The following IL1RL2 variants were observed in gnomAD, a reference collection of about 807,000 sequenced individuals.
IL1RL2 encodes interleukin 1 receptor like 2.
In IL1RL2, 68 loss-of-function variants were observed where a neutral mutation model predicts 66.8. The ratio of observed to expected loss-of-function variants is 1.02; its 90% CI spans 0.84 to 1.25. IL1RL2 has a LOEUF of 1.25. IL1RL2 is among the 50% of genes most tolerant of loss of function. The pLI, the probability that IL1RL2 is intolerant of heterozygous loss-of-function variation, is 0.00. For synonymous variants in IL1RL2, 305 were observed against 264.6 expected, an observed-to-expected ratio of 1.15 and a Z score of -1.48; for missense variants, 729 against 709.3, an observed-to-expected ratio of 1.03 and a Z score of -0.32.
chr2:102,225,666 A>G (rs916332052), intron 8 of IL1RL2, among the ~76,000 whole-genome samples: 9 of 152,160 alleles, frequency 5.9e-5, no homozygotes, highest in Non-Finnish European at 7.4e-5. Flanking sequence ...TTTTACTCGT[A>G]TAAGTTCCCA....
intron 4 of IL1RL2, among the ~76,000 whole-genome samples, chr2:102,193,565 T>G (rs1206176806): frequency 1.3e-5 from 2 of 152,196 alleles, no homozygotes; most frequent in African/African-American, 4.8e-5. Flanking sequence ...ATGCCCAGAC[T>G]GGTCTCGAAC....
At chr2:102,212,230 G>T (rs574872589) in intron 6 of IL1RL2, 56 bp downstream of exon 6, 6 of 1,214,914 alleles carry the variant, frequency 4.9e-6, no homozygotes, top group African/African-American at 3.0e-5. Flanking sequence ...CATTATGTTT[G>T]CATATTCTGG....
chr2:102,241,023 A>C (rs990091131), downstream of IL1RL2, among the ~76,000 whole-genome samples: 4 of 152,208 alleles, frequency 2.6e-5, no homozygotes, highest in Admixed American at 1.3e-4. Context: ...CTGCTGAGGA[A>C]CCGCTGTCCA....
intron 4 of IL1RL2, among the ~76,000 whole-genome samples, chr2:102,195,605 CT>C (rs1559529996): frequency 5.6e-5 from 1 of 17,898 alleles, no homozygotes; most frequent in African/African-American, 1.6e-4. Context: ...TTCTTTCTTT[CT>C]TTCTTTCTTT....
chr2:102,213,588 G>A (rs2104808972), intron 6 of IL1RL2, among the ~76,000 whole-genome samples: 1 of 152,126 alleles, frequency 6.6e-6, no homozygotes, highest in East Asian at 1.9e-4. Flanking sequence ...TTTGATTAGA[G>A]AGCCAAAGCC....
Position 102,235,376 on chromosome 2 carries a change from C to T in IL1RL2, c.1678+99C>T, listed in dbSNP as rs1012861964. The T allele has an allele frequency of 1.1e-5, 17 of 1,519,208 alleles. No individual in the cohort carries two copies. In the Admixed American group the frequency reaches 1.2e-4, roughly 11 times the overall value. 94.1% of individuals were successfully genotyped at this position (1,519,208 alleles called of 1,614,324 possible). ...GGAGGAGGACACGTTTCATCGGGGCCGTCTGCTCTGAAGCTGGCAGTTGCG... is the reference window on the plus strand; with the variant it reads ...GGAGGAGGACACGTTTCATCGGGGCTGTCTGCTCTGAAGCTGGCAGTTGCG... On this transcript the variant is annotated intron_variant, in intron 11 of 11. Coordinates refer to ENST00000264257, the MANE Select transcript of IL1RL2 (RefSeq NM_003854.4).
chr2:102,189,616 A>G (rs749144489), intron 3 of IL1RL2, among the ~76,000 whole-genome samples: 1 of 148,824 alleles, frequency 6.7e-6, no homozygotes, highest in Non-Finnish European at 1.5e-5. Context: ...TTTCTTTTTT[A>G]TTTTTCTTTT....
downstream of IL1RL2, among the ~76,000 whole-genome samples, chr2:102,241,187 G>A (rs1358226726): frequency 6.6e-6 from 1 of 152,250 alleles, no homozygotes; most frequent in Non-Finnish European, 1.5e-5. Flanking sequence ...TTTTTCGGCT[G>A]CTGAGAAGGT....
At chr2:102,232,910 C>T in intron 9 of IL1RL2, 53 bp from the exon 10 acceptor site, 1 of 1,575,788 alleles carries the variant, frequency 6.3e-7, no homozygotes, top group Non-Finnish European at 8.7e-7. Flanking sequence ...GGTTTATTAA[C>T]ATGAGAGAAT....
chr2:102,228,749 A>C (rs994690662), intron 9 of IL1RL2, among the ~76,000 whole-genome samples: 5 of 152,234 alleles, frequency 3.3e-5, no homozygotes, highest in African/African-American at 1.2e-4. Flanking sequence ...AACAATTATT[A>C]AAGGTGAATT....
chr2:102,191,896 A>G, intron 3 of IL1RL2, 29 bp from the exon 4 acceptor site: 2 of 1,408,946 alleles, frequency 1.4e-6, no homozygotes, highest in Non-Finnish European at 2.0e-6. Context: ...TGTTTTAAAG[A>G]GTTTATGAGG....
intron 4 of IL1RL2, among the ~76,000 whole-genome samples, chr2:102,198,307 C>T (rs1488659934): frequency 3.3e-5 from 5 of 152,138 alleles, no homozygotes; most frequent in African/African-American, 7.2e-5. Flanking sequence ...TCCTGGCTTA[C>T]GTCTGGGAGA....
intron 9 of IL1RL2, among the ~76,000 whole-genome samples, chr2:102,229,162 G>A (rs1206079966): frequency 2.6e-5 from 4 of 152,184 alleles, no homozygotes; most frequent in Admixed American, 6.5e-5. Flanking sequence ...TCTTTAGACA[G>A]TATTTCATAG....
intron 4 of IL1RL2, among the ~76,000 whole-genome samples, chr2:102,195,645 C>CTCTTTCTTTCTT (rs1219065291): frequency 3.0e-4 from 6 of 20,254 alleles, no homozygotes; most frequent in African/African-American, 6.8e-4. Context: ...CTCTCTCTCT[C>CTCTTTCTTTCTT]TCTTTCTTTC....
At chr2:102,211,753 A>G (rs1689190691) in intron 5 of IL1RL2, among the ~76,000 whole-genome samples, 1 of 152,194 alleles carries the variant, frequency 6.6e-6, no homozygotes, top group Admixed American at 6.5e-5. Context: ...CTAGCACCTA[A>G]GCCAGGCCTT....
intron 5 of IL1RL2, among the ~76,000 whole-genome samples, chr2:102,208,552 TTC>T (rs1379265997): frequency 1.3e-5 from 2 of 152,270 alleles, no homozygotes; most frequent in East Asian, 3.8e-4. Flanking sequence ...GGCTGGATAC[TTC>T]TTTGATGTAG....
chr2:102,231,371 G>A (rs1457144007), intron 9 of IL1RL2, among the ~76,000 whole-genome samples: 2 of 152,078 alleles, frequency 1.3e-5, no homozygotes, highest in African/African-American at 2.4e-5. Flanking sequence ...GGTGGCGGGC[G>A]CCTATAATCC....
intron 4 of IL1RL2, among the ~76,000 whole-genome samples, chr2:102,195,619 TTCTTTCTTTCTC>T (rs1687662637): frequency 4.2e-4 from 6 of 14,238 alleles, no homozygotes; most frequent in Non-Finnish European, 1.1e-3. Flanking sequence ...CTTTCTTTCT[TTCTTTCTTTCTC>T]TCTCTCTCTC....
At chr2:102,211,977 G>T in intron 5 of IL1RL2, 123 bp from the exon 6 acceptor site, 1 of 571,508 alleles carries the variant, frequency 1.7e-6, no homozygotes, top group Non-Finnish European at 3.1e-6. Context: ...TATTTATGGA[G>T]TGAGATTTTG....
Sources: gnomAD v4.1 joint callset for allele counts (sites outside exome capture counted in the v4.1 genomes callset) on GRCh38, gnomAD v4.1.1 for gene constraint, MANE v1.5 for transcripts, NCBI Gene and HGNC (gene_info 2026-07-23, HGNC 2026-07-21) for gene names.